The following PRIM2 variants were observed in gnomAD, a reference collection of about 807,000 sequenced individuals.
PRIM2 encodes DNA primase large subunit.
PRIM2 carries 39 observed loss-of-function variants against 67.3 expected under a neutral mutation model. That is an observed-to-expected ratio of 0.58 (90% CI 0.45 to 0.76). The LOEUF (loss-of-function observed/expected upper bound fraction) is 0.76. Ranked by LOEUF, PRIM2 falls within the 30% of genes least tolerant of loss-of-function variation. PRIM2 has a pLI of 0.00. For missense variants in PRIM2, 398 were observed against 598.7 expected (o/e 0.66, Z 3.50); for synonymous variants, 143 against 198.7 (o/e 0.72, Z 2.36).
chr6:57,410,615 A>G (rs1205351154), intron 7 of PRIM2, among the ~76,000 whole-genome samples: 1 of 151,928 alleles, frequency 6.6e-6, no homozygotes, highest in Non-Finnish European at 1.5e-5. Flanking sequence ...TGCTAAACTT[A>G]TTAATTTTAG....
chr6:57,520,774 A>G (rs1170242793), intron 8 of PRIM2, among the ~76,000 whole-genome samples: 2 of 152,158 alleles, frequency 1.3e-5, no homozygotes, highest in African/African-American at 4.8e-5. Flanking sequence ...CTTGGAGTTC[A>G]TTGGATTTTG....
At chr6:57,310,891 C>A (rs1434929093), upstream of PRIM2, among the ~76,000 whole-genome samples, 5 of 148,638 alleles carry the variant, frequency 3.4e-5, no homozygotes, top group Non-Finnish European at 6.0e-5. Context: ...CCTCACTTCC[C>A]AGACGGGGTG....
At chr6:57,631,138 A>G (rs1329026978) in intron 12 of PRIM2, among the ~76,000 whole-genome samples, 2 of 152,200 alleles carry the variant, frequency 1.3e-5, no homozygotes, top group East Asian at 3.9e-4. Flanking sequence ...TTTTGTGTGT[A>G]TCTGTCAAAT....
chr6:57,236,230 C>T, the PRIM2 span, among the ~76,000 whole-genome samples: 9,634 of 152,164 alleles, frequency 0.063, 374 homozygotes, highest in Non-Finnish European at 0.09. Flanking sequence ...CTTGACACTA[C>T]TGTCACCATT....
intron 5 of PRIM2, among the ~76,000 whole-genome samples, chr6:57,365,783 G>T (rs1769335836): frequency 6.6e-6 from 1 of 151,880 alleles, no homozygotes; most frequent in Non-Finnish European, 1.5e-5. Flanking sequence ...AACATAATGA[G>T]ACCCGGTCTC....
chr6:57,539,461 GTGTCTAA>G (rs1775088305), intron 10 of PRIM2, among the ~76,000 whole-genome samples: 2 of 152,162 alleles, frequency 1.3e-5, no homozygotes, highest in Admixed American at 1.3e-4. Flanking sequence ...ACATTTGGTT[GTGTCTAA>G]TTTGACTCTG....
the PRIM2 span, among the ~76,000 whole-genome samples, chr6:57,242,374 T>C: frequency 1.3e-4 from 20 of 152,334 alleles, 1 homozygote; most frequent in East Asian, 3.3e-3. Context: ...CAGTGAGCCA[T>C]TTTGATTTTT....
chr6:57,419,314 G>A (rs1415425751), intron 7 of PRIM2, among the ~76,000 whole-genome samples: 1 of 152,076 alleles, frequency 6.6e-6, no homozygotes, highest in Non-Finnish European at 1.5e-5. Context: ...GAATTCAAAG[G>A]GTATGTTGAA....
chr6:57,298,387 A>C, the PRIM2 span, among the ~76,000 whole-genome samples: 1 of 152,098 alleles, frequency 6.6e-6, no homozygotes, highest in Non-Finnish European at 1.5e-5. Context: ...ACAACAAAAA[A>C]TAAACTTTAG....
intron 7 of PRIM2, among the ~76,000 whole-genome samples, chr6:57,479,544 T>G (rs1163110575): frequency 6.6e-6 from 1 of 152,254 alleles, no homozygotes; most frequent in African/African-American, 2.4e-5. Flanking sequence ...TGCAGATTTT[T>G]AAAAGCTACG....
At chr6:57,237,932 A>G in the PRIM2 span, among the ~76,000 whole-genome samples, 2 of 152,236 alleles carry the variant, frequency 1.3e-5, no homozygotes, top group Admixed American at 6.5e-5. Context: ...CTTTGGACAG[A>G]CTTTAAACCA....
At chr6:57,578,969 C>T (rs1357334508) in intron 10 of PRIM2, among the ~76,000 whole-genome samples, 2 of 152,132 alleles carry the variant, frequency 1.3e-5, no homozygotes, top group Non-Finnish European at 2.9e-5. Context: ...AGCCACCGCG[C>T]CCGGCCCACC....
chr6:57,441,911 A>G (rs1049150291), intron 7 of PRIM2, among the ~76,000 whole-genome samples: 2 of 152,194 alleles, frequency 1.3e-5, no homozygotes, highest in South Asian at 2.1e-4. Context: ...GCCTCCCCAT[A>G]TAATATTAAA....
chr6:57,448,277 C>T (rs1772428478), intron 7 of PRIM2, among the ~76,000 whole-genome samples: 2 of 151,924 alleles, frequency 1.3e-5, no homozygotes, highest in South Asian at 4.2e-4. Context: ...AAGGATTTCA[C>T]AGTAATGTAA....
intron 7 of PRIM2, among the ~76,000 whole-genome samples, chr6:57,429,985 T>C (rs1403936928): frequency 6.6e-6 from 1 of 152,206 alleles, no homozygotes; most frequent in Non-Finnish European, 1.5e-5. Context: ...AGTTGAGTAA[T>C]TGTTTCTTAT....
At chr6:57,496,353 G>C (rs1774004194) in intron 7 of PRIM2, among the ~76,000 whole-genome samples, 1 of 152,148 alleles carries the variant, frequency 6.6e-6, no homozygotes, top group Non-Finnish European at 1.5e-5. Flanking sequence ...TCTGGAAATA[G>C]GCTCAGCAGG....
At chr6:57,355,260 C>T (rs1209437782) in intron 5 of PRIM2, among the ~76,000 whole-genome samples, 3 of 148,006 alleles carry the variant, frequency 2.0e-5, no homozygotes, top group East Asian at 2.0e-4. Context: ...GCTGAGATTG[C>T]GCCACTGCAC....
the PRIM2 span, among the ~76,000 whole-genome samples, chr6:57,294,189 CTTTA>C: frequency 1.3e-5 from 2 of 152,002 alleles, no homozygotes; most frequent in African/African-American, 4.8e-5. Flanking sequence ...ATTCCAAACA[CTTTA>C]TATAGGCCAG....
rs1233346574 is a variant in PRIM2 at position 57,545,591 on chromosome 6, C to T, written c.1020+7966C>T. 1.8e-4 allele frequency among the ~76,000 whole-genome samples: 27 copies of T among 152,070 alleles called. No individual in the cohort carries two copies. The South Asian group carries it at 4.4e-3, about 25-fold the overall frequency. ...GATTACAGGCATGTGCCACCAGGCC[C>T]GGCTAATTTTTTTTGTATTTTTAGT... On this transcript the variant is annotated intron_variant, in intron 10 of 13. Transcript: ENST00000615550.
Sources: gnomAD v4.1 joint callset for allele counts (sites outside exome capture counted in the v4.1 genomes callset) on GRCh38, gnomAD v4.1.1 for gene constraint, MANE v1.5 for transcripts, NCBI Gene and HGNC (gene_info 2026-07-23, HGNC 2026-07-21) for gene names.